Variants in PAIP2B observed in about 807,000 individuals in gnomAD.
PAIP2B encodes the protein polyadenylate-binding protein-interacting protein 2B.
A neutral mutation model predicts 17.0 loss-of-function variants in PAIP2B; 13 were observed. That is an observed-to-expected ratio of 0.76 (90% CI 0.50 to 1.22). The LOEUF (loss-of-function observed/expected upper bound fraction) is 1.22, where lower values mean the gene tolerates loss of function less well. PAIP2B is among the 50% of genes most tolerant of loss of function. PAIP2B has a pLI of 0.00. For synonymous variants in PAIP2B, 43 were observed against 48.7 expected (o/e 0.88, Z 0.48); for missense variants, 117 against 144.5 (o/e 0.81, Z 0.98).
chr2:71,217,604 G>A (rs1314813319), intron 1 of PAIP2B, among the ~76,000 whole-genome samples: 2 of 152,210 alleles, frequency 1.3e-5, no homozygotes, highest in African/African-American at 4.8e-5. Flanking sequence ...ACATGAGGCA[G>A]AGTCCTGGTA....
chr2:71,185,740 A>G lies in PAIP2B; in HGVS notation c.*2739T>C, dbSNP rs1397750256. ...AACTGGCCCAAAGACCCAGGGCTGC[A>G]TTTGCCCAGGCCTAGGCTGTATCCT... On this transcript the variant is annotated 3_prime_UTR_variant, in exon 4 of 4. Coordinates refer to ENST00000244221, the MANE Select transcript of PAIP2B (RefSeq NM_020459.1). 2 of 152,184 alleles carry G rather than the reference A, an allele frequency of 1.3e-5. No homozygotes were observed. The highest frequency in any genetic ancestry group is 1.9e-4 in the East Asian group (1 of 5,196). The allele number at this position is 152,184 out of a possible 1,614,324, so 9.4% of individuals were successfully genotyped here. A position where few individuals can be genotyped will look rare whatever the true frequency, so the allele number is the denominator to read the frequency against.
intron 1 of PAIP2B, among the ~76,000 whole-genome samples, chr2:71,204,639 A>T (rs1675077158): frequency 2.0e-5 from 3 of 152,222 alleles, no homozygotes. Flanking sequence ...TATTTTAAAT[A>T]GAAACAAAAG....
intron 1 of PAIP2B, among the ~76,000 whole-genome samples, 155 bp downstream of exon 1, chr2:71,226,773 C>T (rs1262375443): frequency 6.6e-6 from 1 of 152,222 alleles, no homozygotes; most frequent in African/African-American, 2.4e-5. Flanking sequence ...CGTGGGACCC[C>T]GCGCGCTTTC....
intron 1 of PAIP2B, among the ~76,000 whole-genome samples, chr2:71,216,841 A>G (rs1675441404): frequency 6.6e-6 from 1 of 152,228 alleles, no homozygotes; most frequent in Admixed American, 6.5e-5. Context: ...ATCCAATTAA[A>G]AGACATATAT....
At chr2:71,208,102 C>T (rs1675185568) in intron 1 of PAIP2B, among the ~76,000 whole-genome samples, 1 of 151,982 alleles carries the variant, frequency 6.6e-6, no homozygotes, top group South Asian at 2.1e-4. Flanking sequence ...GCCCATGACC[C>T]AGCACTGATG....
At chr2:71,208,473 A>G (rs1359007907) in intron 1 of PAIP2B, among the ~76,000 whole-genome samples, 1 of 151,916 alleles carries the variant, frequency 6.6e-6, no homozygotes, top group Non-Finnish European at 1.5e-5. Flanking sequence ...CATGAAAAGG[A>G]AACTGAGAAG....
rs2103738406 is a variant in PAIP2B at position 71,186,206 on chromosome 2, T to C, written c.*2273A>G. ...ACACATGCATTTTCTGCTAAGAAGG[T>C]AGCAAACTCTAACTAGCCTGTGTTG... On this transcript the variant is annotated 3_prime_UTR_variant, in exon 4 of 4. Coordinates refer to ENST00000244221, the MANE Select transcript of PAIP2B (RefSeq NM_020459.1). 6.6e-6 allele frequency: 1 copy of C among 152,282 alleles called. No homozygotes were observed. The highest frequency in any genetic ancestry group is 2.4e-5 in the African/African-American group (1 of 41,554). 9.4% of individuals were successfully genotyped at this position (152,282 alleles called of 1,614,324 possible).
intron 2 of PAIP2B, among the ~76,000 whole-genome samples, chr2:71,201,015 GTGTGTGTGT>G (rs1558776164): frequency 0.027 from 3,978 of 146,956 alleles, 186 homozygotes; most frequent in African/African-American, 0.096. Flanking sequence ...GTGGGTGTGT[GTGTGTGTGT>G]GTGTGTGTGT....
At chr2:71,218,219 G>A (rs1215897537) in intron 1 of PAIP2B, among the ~76,000 whole-genome samples, 1 of 152,030 alleles carries the variant, frequency 6.6e-6, no homozygotes, top group Non-Finnish European at 1.5e-5. Context: ...CTTACTGGGA[G>A]ACAGTTTTGG....
chr2:71,188,921 C>T (rs762601211), intron 3 of PAIP2B, among the ~76,000 whole-genome samples: 62 of 151,812 alleles, frequency 4.1e-4, no homozygotes, highest in Non-Finnish European at 8.1e-4. Flanking sequence ...TCTCTACTCT[C>T]TTGTGAATAT....
At chr2:71,204,942 T>C (rs956403109) in intron 1 of PAIP2B, among the ~76,000 whole-genome samples, 12 of 152,016 alleles carry the variant, frequency 7.9e-5, no homozygotes, top group Admixed American at 3.3e-4. Flanking sequence ...AAAATCACTA[T>C]AGAGAATCAG....
intron 1 of PAIP2B, among the ~76,000 whole-genome samples, chr2:71,215,635 C>A (rs761920298): frequency 6.6e-6 from 1 of 152,074 alleles, no homozygotes. Context: ...GACTATTAGC[C>A]GTGGAACGAT....
At position 71,186,428 on chromosome 2, in the gene PAIP2B, G is replaced by A. The variant is rs774902242; in HGVS notation, c.*2051C>T. ...CAGCCCTCAGTGTCCATGCTAAACT[G>A]GCAGGAAGTTTTCATAGTCCTGAAG... is the stretch of plus-strand genomic sequence containing the variant. On this transcript the variant is annotated 3_prime_UTR_variant, in exon 4 of 4. Coordinates refer to ENST00000244221, the MANE Select transcript of PAIP2B (RefSeq NM_020459.1). 6.6e-6 allele frequency: 1 copy of A among 152,236 alleles called. No homozygotes were observed. The highest frequency in any genetic ancestry group is 1.5e-5 in the Non-Finnish European group (1 of 68,044). 9.4% of individuals were successfully genotyped at this position (152,236 alleles called of 1,614,324 possible).
intron 1 of PAIP2B, among the ~76,000 whole-genome samples, chr2:71,206,960 TG>T (rs1304337277): frequency 1.3e-5 from 2 of 152,220 alleles, no homozygotes; most frequent in African/African-American, 4.8e-5. Flanking sequence ...ATTCGGGTTT[TG>T]CTTTCTCTCA....
intron 2 of PAIP2B, among the ~76,000 whole-genome samples, chr2:71,200,082 C>T (rs370204564): frequency 1.7e-4 from 26 of 152,136 alleles, no homozygotes; most frequent in Non-Finnish European, 3.2e-4. Flanking sequence ...AATGTCACTC[C>T]GAGTTTGGGG....
rs371200634 is a variant in PAIP2B, at chr2:71,189,985, G to C, written c.175C>G (p.Arg59Gly). The stretch of plus-strand genomic sequence containing the variant: ...TCATCCAGCATCTCTTGGAAGCAGC[G>C]GTCCAAGAAGTCTTGCTCCTGCAGT... The part of the protein sequence containing the change: ...EELQEQDFLD[R>G]CFQEMLDEED... Residue 59 changes from arginine (R) to glycine (G), a missense_variant, in exon 3 of 4, where the codon CGC (arginine) becomes GGC (glycine). By Grantham distance (125) the Arg-to-Gly change is moderately radical. Coordinates refer to ENST00000244221, the MANE Select transcript of PAIP2B (RefSeq NM_020459.1). The C allele has an allele frequency of 6.2e-7, 1 of 1,612,290 alleles. No homozygotes were observed. The highest frequency in any genetic ancestry group is 8.5e-7 in the Non-Finnish European group (1 of 1,179,312).
chr2:71,197,034 G>C (rs13339870), intron 2 of PAIP2B, among the ~76,000 whole-genome samples: 10,131 of 152,216 alleles, frequency 0.067, 373 homozygotes, highest in African/African-American at 0.092. Context: ...GTATTGATAT[G>C]TGTGGATTTG....
At chr2:71,220,744 C>T (rs1002580542) in intron 1 of PAIP2B, among the ~76,000 whole-genome samples, 4 of 152,230 alleles carry the variant, frequency 2.6e-5, no homozygotes, top group African/African-American at 4.8e-5. Context: ...ACCTCTGCCT[C>T]CCAAAGTGCT....
intron 2 of PAIP2B, among the ~76,000 whole-genome samples, chr2:71,197,714 C>T (rs545863970): frequency 2.0e-5 from 3 of 152,128 alleles, no homozygotes; most frequent in South Asian, 2.1e-4. Context: ...ACAATTATGG[C>T]AGAAGGTAAA....
Sources: allele counts gnomAD v4.1 joint callset (sites outside exome capture counted in the v4.1 genomes callset), GRCh38; gene constraint gnomAD v4.1.1; transcripts MANE v1.5; gene names NCBI Gene and HGNC (gene_info 2026-07-23, HGNC 2026-07-21).